Variants in PMM2 observed in about 807,000 individuals in gnomAD.
PMM2 encodes the protein phosphomannomutase 2.
Under a neutral mutation model 33.2 loss-of-function variants are expected in PMM2, and 35 were observed. The ratio of observed to expected loss-of-function variants is 1.06; its 90% CI spans 0.81 to 1.40. PMM2 has a LOEUF of 1.40. Among genes scored for constraint, PMM2 ranks in the 40% most tolerant of loss-of-function variants. The pLI, the probability that PMM2 is intolerant of heterozygous loss-of-function variation, is 0.00. For missense variants in PMM2, 386 were observed against 306.0 expected (o/e 1.26, Z -1.95); for synonymous variants, 153 against 114.7 (o/e 1.33, Z -2.13).
At chr16:8,837,769 C>A (rs2060860608) in intron 7 of PMM2, among the ~76,000 whole-genome samples, 1 of 151,936 alleles carries the variant, frequency 6.6e-6, no homozygotes, top group East Asian at 1.9e-4. Context: ...GGTGAAGGAC[C>A]AAGGCAGGCG....
intron 7 of PMM2, among the ~76,000 whole-genome samples, chr16:8,818,333 C>A (rs946544427): frequency 6.6e-6 from 1 of 152,310 alleles, no homozygotes; most frequent in East Asian, 1.9e-4. Context: ...CATTCTTGCA[C>A]GATTCTTTGC....
chr16:8,812,998 G>C lies in PMM2; in HGVS notation c.531G>C (p.Gln177His), dbSNP rs771162235. ...GKGLTFSIGG[Q>H]ISFDVFPDGW... ...CCCGTCCCCACCCGGCAGGAGGCCAGATCAGCTTTGATGTCTTTCCTGATG... is the reference window on the plus strand; with the variant it reads ...CCCGTCCCCACCCGGCAGGAGGCCACATCAGCTTTGATGTCTTTCCTGATG... The change falls in exon 7 of 8, where the codon CAG becomes CAC. Residue 177 changes from glutamine to histidine, a missense_variant. Gln to His is a conservative substitution (Grantham distance 24). Transcript: ENST00000268261. 3 of 1,606,230 alleles carry C rather than the reference G, an allele frequency of 1.9e-6. No homozygotes were observed. The highest frequency in any genetic ancestry group is 2.6e-6 in the Non-Finnish European group (3 of 1,172,792).
At chr16:8,819,651 C>T (rs1286310949) in intron 7 of PMM2, among the ~76,000 whole-genome samples, 2 of 150,670 alleles carry the variant, frequency 1.3e-5, no homozygotes, top group African/African-American at 2.4e-5. Context: ...GCCACGATTG[C>T]GCCACTGCAC....
chr16:8,844,975 T>C (rs191940717), intron 7 of PMM2, among the ~76,000 whole-genome samples: 213 of 152,274 alleles, frequency 1.4e-3, no homozygotes, highest in African/African-American at 4.8e-3. Context: ...AGCAGGAGGA[T>C]AGGGGATTGA....
intron 7 of PMM2, among the ~76,000 whole-genome samples, chr16:8,839,345 T>A (rs549655999): frequency 4.6e-5 from 7 of 151,996 alleles, no homozygotes; most frequent in African/African-American, 1.7e-4. Flanking sequence ...AGTAAAAAGA[T>A]GAGGAGTGCT....
intron 3 of PMM2, among the ~76,000 whole-genome samples, chr16:8,805,336 G>A (rs1185099952): frequency 6.6e-6 from 1 of 152,038 alleles, no homozygotes; most frequent in Admixed American, 6.5e-5. Context: ...CCAGAGTGCT[G>A]GGATTACAGG....
intron 6 of PMM2, among the ~76,000 whole-genome samples, chr16:8,812,491 CTG>C (rs1253719350): frequency 2.6e-5 from 4 of 152,178 alleles, no homozygotes; most frequent in Non-Finnish European, 5.9e-5. Context: ...TCTTCCTGAA[CTG>C]TGAGATGGAC....
Position 8,847,522 on chromosome 16 carries a change from G to C in PMM2, c.640-202G>C, listed in dbSNP as rs903614199. On this transcript the variant is annotated intron_variant, in intron 7 of 7. Coordinates refer to ENST00000268261, the MANE Select transcript of PMM2 (RefSeq NM_000303.3). ...ATTACGTGTTCCAAGCCAAATTGCA[G>C]TTCAAGAGAAGGTTATAAATCTCTT... 5 of 585,844 alleles carry C rather than the reference G, an allele frequency of 8.5e-6. No homozygotes were observed. The African/African-American group carries it at 9.3e-5, about 11-fold the overall frequency. 36.3% of individuals were successfully genotyped at this position (585,844 alleles called of 1,614,324 possible).
intron 7 of PMM2, among the ~76,000 whole-genome samples, chr16:8,836,481 C>T (rs556367818): frequency 6.9e-4 from 105 of 152,138 alleles, no homozygotes; most frequent in African/African-American, 2.4e-3. Context: ...GTGTAGCAAG[C>T]TCCTGGGGGA....
chr16:8,797,967 G>A lies in PMM2; in HGVS notation c.66+19G>A, dbSNP rs770145834. The A allele has an allele frequency of 1.3e-6, 2 of 1,585,692 alleles. No homozygotes were observed. Among genetic ancestry groups the A allele is most frequent in the Non-Finnish European group, 1.7e-6 (2 of 1,167,054 alleles). On this transcript the variant is annotated intron_variant, in intron 1 of 7. Coordinates refer to ENST00000268261, the MANE Select transcript of PMM2 (RefSeq NM_000303.3). ...GCGGCAGGTAAGTGGCGGCCGGCGG[G>A]CTGCTGGCAGCCGACGCGGAGCCCG...
At chr16:8,812,828 T>C (rs1414333839) in intron 6 of PMM2, among the ~76,000 whole-genome samples, 163 bp from the exon 7 acceptor site, 1 of 152,244 alleles carries the variant, frequency 6.6e-6, no homozygotes, top group Non-Finnish European at 1.5e-5. Context: ...TAGAATTAAT[T>C]TCTAGAACCT....
rs528954064 is a variant in PMM2 at position 8,834,081 on chromosome 16, T to G, written c.640-13643T>G. Among the ~76,000 whole-genome samples the G allele has an allele frequency of 3.9e-3, 588 of 152,280 alleles. 5 individuals carry two copies. The highest frequency in any genetic ancestry group is 0.013 in the African/African-American group (558 of 41,532). ...GTTGGTCTGGTGTCTGGAATGAGAC[T>G]GGGGCCTAATAAAAAGGAGCGTCTA... On this transcript the variant is annotated intron_variant, in intron 7 of 7. Transcript: ENST00000268261.
chr16:8,827,849 ATATATATGT>A (rs1241718771), intron 7 of PMM2, among the ~76,000 whole-genome samples: 1,040 of 59,548 alleles, frequency 0.017, no homozygotes, highest in East Asian at 0.033. Flanking sequence ...ATAATATATA[ATATATATGT>A]TATATATTAT....
chr16:8,843,875 A>C (rs1567170643), intron 7 of PMM2, among the ~76,000 whole-genome samples: 2 of 151,866 alleles, frequency 1.3e-5, no homozygotes, highest in Non-Finnish European at 2.9e-5. Flanking sequence ...CGAGGAGGGG[A>C]GAGGTCAGAT....
In PMM2 at chr16:8,845,410, T is replaced by C. The variant is rs12923505; in HGVS notation, c.640-2314T>C. ...TTCAGGCCATCTGGATGTACACGTG[T>C]AAGTCATAGGGGATGCGATGGCTTG... On this transcript the variant is annotated intron_variant, in intron 7 of 7. Coordinates refer to ENST00000268261, the MANE Select transcript of PMM2 (RefSeq NM_000303.3). Among the ~76,000 whole-genome samples the C allele has an allele frequency of 2.6e-5, 4 of 152,164 alleles. No individual in the cohort carries two copies. The East Asian group carries it at 7.7e-4, about 29-fold the overall frequency.
At chr16:8,815,884 G>C (rs964237508) in intron 7 of PMM2, among the ~76,000 whole-genome samples, 14 of 151,770 alleles carry the variant, frequency 9.2e-5, no homozygotes, top group Admixed American at 7.9e-4. Context: ...GAGGGGAAGA[G>C]AATATTTGCA....
At chr16:8,813,511 C>T (rs755878380) in intron 7 of PMM2, among the ~76,000 whole-genome samples, 7 of 152,126 alleles carry the variant, frequency 4.6e-5, no homozygotes, top group East Asian at 1.9e-4. Flanking sequence ...GGGCCATGAA[C>T]GATGGGAGGA....
At chr16:8,825,266 C>T (rs560214623) in intron 7 of PMM2, among the ~76,000 whole-genome samples, 4 of 152,092 alleles carry the variant, frequency 2.6e-5, no homozygotes, top group South Asian at 2.1e-4. Context: ...CTCCTGACCT[C>T]GTGATCCACC....
intron 7 of PMM2, 111 bp from the exon 8 acceptor site, chr16:8,847,613 C>T: frequency 1.3e-6 from 1 of 780,336 alleles, no homozygotes; most frequent in East Asian, 2.5e-5. Flanking sequence ...AAGAAACTCT[C>T]CCTGCCCAGT....
Sources: gnomAD v4.1 joint callset for allele counts (sites outside exome capture counted in the v4.1 genomes callset) on GRCh38, gnomAD v4.1.1 for gene constraint, MANE v1.5 for transcripts, NCBI Gene and HGNC (gene_info 2026-07-23, HGNC 2026-07-21) for gene names.